The following FAM13A variants were observed in gnomAD, a reference collection of about 807,000 sequenced individuals.
FAM13A encodes the protein family with sequence similarity 13 member A.
In FAM13A, 76 loss-of-function variants were observed where a neutral mutation model predicts 129.6. The ratio of observed to expected loss-of-function variants is 0.59; its 90% CI spans 0.49 to 0.71. The LOEUF (loss-of-function observed/expected upper bound fraction) is 0.71, where lower values mean the gene tolerates loss of function less well. Among genes scored for constraint, FAM13A ranks in the 30% least tolerant of loss-of-function variants. The pLI is 0.00. For missense variants in FAM13A, 1,108 were observed against 1,249.3 expected (o/e 0.89, Z 1.70); for synonymous variants, 443 against 449.9 (o/e 0.98, Z 0.20).
intron 1 of FAM13A, among the ~76,000 whole-genome samples, chr4:89,032,303 T>G (rs924245993): frequency 6.6e-6 from 1 of 152,128 alleles, no homozygotes; most frequent in Non-Finnish European, 1.5e-5. Flanking sequence ...CTGTTTAAAC[T>G]TTTGTTTGCA....
At chr4:89,020,691 A>C in intron 2 of FAM13A, 22 bp from the exon 3 acceptor site, 1 of 1,538,642 alleles carries the variant, frequency 6.5e-7, no homozygotes, top group Middle Eastern at 1.7e-4. Context: ...AAGTAGGCAC[A>C]GAAAATAAAT....
chr4:88,803,647 C>T (rs1727987396), intron 8 of FAM13A, among the ~76,000 whole-genome samples: 1 of 152,098 alleles, frequency 6.6e-6, no homozygotes, highest in South Asian at 2.1e-4. Flanking sequence ...GTTGAGATAC[C>T]CTATGAACCA....
chr4:88,860,442 A>G (rs1739298602), intron 6 of FAM13A, among the ~76,000 whole-genome samples: 1 of 152,226 alleles, frequency 6.6e-6, no homozygotes, highest in African/African-American at 2.4e-5. Context: ...GTGAATAGTA[A>G]GTACCACAAT....
chr4:88,735,279 C>T (rs912068380), intron 21 of FAM13A, among the ~76,000 whole-genome samples: 9 of 152,158 alleles, frequency 5.9e-5, no homozygotes, highest in African/African-American at 2.2e-4. Context: ...TTTTCATTAA[C>T]TTGGTATTTA....
At chr4:88,888,016 C>T (rs1175793444) in intron 6 of FAM13A, among the ~76,000 whole-genome samples, 3 of 152,172 alleles carry the variant, frequency 2.0e-5, no homozygotes, top group Non-Finnish European at 1.5e-5. Flanking sequence ...TGGCTGCAGC[C>T]TATTTTTCAG....
chr4:88,741,911 A>G (rs1740347746), intron 19 of FAM13A, among the ~76,000 whole-genome samples: 1 of 152,346 alleles, frequency 6.6e-6, no homozygotes, highest in South Asian at 2.1e-4. Context: ...ACAGAAATTA[A>G]GTGACTTGTA....
intron 4 of FAM13A, chr4:88,989,976 C>T (rs978081674): frequency 2.0e-5 from 3 of 152,088 alleles, no homozygotes; most frequent in East Asian, 1.9e-4. Context: ...TTTACTATCA[C>T]GGAGCTTCTG....
chr4:88,918,726 C>A (rs977964551), intron 5 of FAM13A, among the ~76,000 whole-genome samples: 11 of 152,162 alleles, frequency 7.2e-5, no homozygotes, highest in African/African-American at 2.7e-4. Flanking sequence ...ATTATCAGGT[C>A]TTTCCTAAGT....
intron 6 of FAM13A, among the ~76,000 whole-genome samples, chr4:88,864,095 T>C (rs1174435213): frequency 6.6e-6 from 1 of 152,214 alleles, no homozygotes; most frequent in Admixed American, 6.5e-5. Flanking sequence ...TGTCAGGCAA[T>C]ATATTAGAAT....
intron 2 of FAM13A, among the ~76,000 whole-genome samples, chr4:89,027,512 T>TAGAAGAAAAAAA (rs1768119669): frequency 6.9e-6 from 1 of 144,714 alleles, no homozygotes. Flanking sequence ...TCTGTCCCTT[T>TAGAAGAAAAAAA]AAAAAAAAAA....
At chr4:88,911,698 C>G (rs969857210) in intron 5 of FAM13A, among the ~76,000 whole-genome samples, 1 of 152,224 alleles carries the variant, frequency 6.6e-6, no homozygotes, top group East Asian at 1.9e-4. Flanking sequence ...CCAAAGGCTG[C>G]TCCTTCAACG....
Position 88,782,994 on chromosome 4 carries a change from T to C in FAM13A, c.1272-1643A>G, listed in dbSNP as rs189336215. On this transcript the variant is annotated intron_variant, in intron 10 of 23. Transcript: ENST00000264344. ...TGTTTTTTATTTATTTTTAATTTTG[T>C]GTGTACACGGTAGGTGTATATACAT... 2.2e-4 allele frequency among the ~76,000 whole-genome samples: 34 copies of C among 152,280 alleles called. No individual in the cohort carries two copies. In the East Asian group the frequency reaches 6.6e-3, roughly 29 times the overall value.
intron 5 of FAM13A, among the ~76,000 whole-genome samples, chr4:88,920,254 G>C (rs1194407973): frequency 2.6e-5 from 4 of 151,894 alleles, no homozygotes; most frequent in Non-Finnish European, 5.9e-5. Flanking sequence ...TCCTCAAGTG[G>C]ACCCCTGACC....
chr4:88,949,052 A>C (rs1226239401), intron 4 of FAM13A, among the ~76,000 whole-genome samples: 1 of 152,184 alleles, frequency 6.6e-6, no homozygotes, highest in African/African-American at 2.4e-5. Flanking sequence ...AACTTTTTTT[A>C]CAAAACTAAT....
chr4:89,039,165 GA>G (rs1009341324), intron 1 of FAM13A, among the ~76,000 whole-genome samples: 2 of 152,048 alleles, frequency 1.3e-5, no homozygotes, highest in African/African-American at 4.8e-5. Context: ...AAGAGACTGT[GA>G]AAAAAAGAAA....
At chr4:88,787,488 AAGCC>A (rs1724196089) in intron 10 of FAM13A, among the ~76,000 whole-genome samples, 1 of 152,320 alleles carries the variant, frequency 6.6e-6, no homozygotes, top group East Asian at 1.9e-4. Context: ...ATTTATGAGG[AAGCC>A]ATAGGGTGTA....
At chr4:88,868,456 C>T (rs527687826) in intron 6 of FAM13A, among the ~76,000 whole-genome samples, 1 of 152,258 alleles carries the variant, frequency 6.6e-6, no homozygotes, top group East Asian at 1.9e-4. Flanking sequence ...TGGGCCCTTC[C>T]CACTTCTCAT....
intron 2 of FAM13A, among the ~76,000 whole-genome samples, chr4:89,022,222 AT>A (rs1222579321): frequency 2.0e-5 from 3 of 152,114 alleles, no homozygotes; most frequent in Non-Finnish European, 4.4e-5. Flanking sequence ...AGCTAATTTT[AT>A]TTTATTTTAT....
chr4:88,817,312 C>T (rs1730945568), intron 7 of FAM13A, among the ~76,000 whole-genome samples: 1 of 152,110 alleles, frequency 6.6e-6, no homozygotes, highest in Non-Finnish European at 1.5e-5. Context: ...CCTGTAATCC[C>T]AGCATTTTGG....
Sources: allele counts gnomAD v4.1 joint callset (sites outside exome capture counted in the v4.1 genomes callset), GRCh38; gene constraint gnomAD v4.1.1; transcripts MANE v1.5; gene names NCBI Gene and HGNC (gene_info 2026-07-23, HGNC 2026-07-21).